The following CHCHD3 variants were observed in gnomAD, a reference collection of about 807,000 sequenced individuals.
CHCHD3 encodes coiled-coil-helix-coiled-coil-helix domain containing 3, also known as MICOS complex subunit MIC19.
Under a neutral mutation model 38.2 loss-of-function variants are expected in CHCHD3, and 20 were observed. The ratio of observed to expected loss-of-function variants is 0.52; its 90% CI spans 0.37 to 0.76. The LOEUF is 0.76. CHCHD3 is among the 30% of genes least tolerant of loss of function. The probability of loss-of-function intolerance (pLI) is 0.00; values close to 1 mark genes in which losing one functional copy is unlikely to be tolerated. For missense variants in CHCHD3, 245 were observed against 279.2 expected, an observed-to-expected ratio of 0.88 and a Z score of 0.87; for synonymous variants, 82 against 100.0, an observed-to-expected ratio of 0.82 and a Z score of 1.07.
chr7:132,895,381 C>T (rs138855073), intron 4 of CHCHD3, among the ~76,000 whole-genome samples: 194 of 152,336 alleles, frequency 1.3e-3, no homozygotes, highest in Non-Finnish European at 2.0e-3. Context: ...ATCCGTACAG[C>T]CCAGCAGCAC....
At chr7:133,041,904 T>C (rs1813845421) in intron 2 of CHCHD3, among the ~76,000 whole-genome samples, 1 of 152,230 alleles carries the variant, frequency 6.6e-6, no homozygotes, top group East Asian at 1.9e-4. Flanking sequence ...TTTGATACGC[T>C]AATAGTCCTA....
intron 2 of CHCHD3, 62 bp from the exon 3 acceptor site, chr7:133,024,689 A>C: frequency 8.0e-7 from 1 of 1,245,598 alleles, no homozygotes; most frequent in Non-Finnish European, 1.2e-6. Flanking sequence ...AAAAGCAAGA[A>C]AATACTCAGG....
intron 4 of CHCHD3, among the ~76,000 whole-genome samples, chr7:132,933,191 C>T (rs941742312): frequency 6.6e-6 from 1 of 152,174 alleles, no homozygotes. Flanking sequence ...GCAATTTGCA[C>T]TTATCAACTG....
At chr7:132,814,253 G>T (rs532038821) in intron 6 of CHCHD3, among the ~76,000 whole-genome samples, 1 of 152,228 alleles carries the variant, frequency 6.6e-6, no homozygotes, top group Admixed American at 6.5e-5. Context: ...ATTTTGTGAA[G>T]CCACGCTAGC....
chr7:133,057,759 T>C (rs982350150), intron 2 of CHCHD3, among the ~76,000 whole-genome samples: 9 of 152,004 alleles, frequency 5.9e-5, no homozygotes, highest in African/African-American at 1.9e-4. Flanking sequence ...AAAAAATAAT[T>C]AGAGGAAAAA....
At chr7:133,070,069 C>T (rs1243134082) in intron 2 of CHCHD3, 73 bp downstream of exon 2, 22 of 1,074,754 alleles carry the variant, frequency 2.0e-5, no homozygotes, top group Admixed American at 9.2e-5. Flanking sequence ...TGCTAGAGAA[C>T]TTGACTATTG....
chr7:132,918,796 G>A (rs1351676827), intron 4 of CHCHD3, among the ~76,000 whole-genome samples: 6 of 152,164 alleles, frequency 3.9e-5, no homozygotes, highest in Admixed American at 3.9e-4. Context: ...CATAGAAACA[G>A]CTACAGCTGA....
intron 2 of CHCHD3, among the ~76,000 whole-genome samples, chr7:133,062,872 G>A (rs1425892317): frequency 6.6e-6 from 1 of 152,096 alleles, no homozygotes; most frequent in African/African-American, 2.4e-5. Context: ...AACAAGGGCA[G>A]GGACCTCTGA....
chr7:133,061,175 G>C (rs1413755889), intron 2 of CHCHD3, among the ~76,000 whole-genome samples: 1 of 152,104 alleles, frequency 6.6e-6, no homozygotes, highest in Non-Finnish European at 1.5e-5. Context: ...GTTTCTAACA[G>C]AGGAATGGCA....
In CHCHD3 at chr7:132,885,727, T is replaced by C. The variant is rs773327023; in HGVS notation, c.388A>G (p.Lys130Glu). Residue 130 changes from lysine to glutamate, a missense_variant, in exon 5 of 8, where the codon AAA becomes GAA. Lys to Glu is a moderately conservative substitution (Grantham distance 56). Coordinates refer to ENST00000262570, the MANE Select transcript of CHCHD3 (RefSeq NM_017812.4). ...TCCTGCTTCTTTAGCACTCGGTCTT[T>C]CTCTTCCAGCTGCCTAGCCTAAAAA... ...AKHLARQLEE[K>E]DRVLKKQDAF... The C allele has an allele frequency of 1.9e-6, 3 of 1,609,276 alleles. No homozygotes were observed. Among genetic ancestry groups the C allele is most frequent in the Non-Finnish European group, 1.7e-6 (2 of 1,178,388 alleles).
chr7:132,931,192 T>A (rs1385275646), intron 4 of CHCHD3, among the ~76,000 whole-genome samples: 1 of 152,242 alleles, frequency 6.6e-6, no homozygotes, highest in Non-Finnish European at 1.5e-5. Flanking sequence ...TTACTGAACT[T>A]TTTGATTCGC....
intron 6 of CHCHD3, among the ~76,000 whole-genome samples, chr7:132,824,951 T>TA (rs1244339451): frequency 1.3e-5 from 2 of 152,256 alleles, no homozygotes; most frequent in Non-Finnish European, 2.9e-5. Flanking sequence ...TAACATGTTT[T>TA]GGTCACTTTT....
At position 133,013,206 on chromosome 7, in the gene CHCHD3, A is replaced by AG. The variant is rs35863843; in HGVS notation, c.251+11339_251+11340insC. On this transcript the variant is annotated intron_variant, in intron 3 of 7. Coordinates refer to ENST00000262570, the MANE Select transcript of CHCHD3 (RefSeq NM_017812.4). ...GCCTCAAAAAAAAAAAAAAAAAAAA[A>AG]CATTCAGACAGACATATAATAGGTA... Among the ~76,000 whole-genome samples the AG allele has an allele frequency of 8.4e-3, 913 of 108,644 alleles. 79 individuals are homozygous for AG. The highest frequency in any genetic ancestry group is 0.03 in the African/African-American group (840 of 28,382). 71.3% of individuals were successfully genotyped at this position (108,644 alleles called of 152,430 possible).
At chr7:133,080,471 C>T (rs1212046984) in intron 1 of CHCHD3, among the ~76,000 whole-genome samples, 1 of 152,140 alleles carries the variant, frequency 6.6e-6, no homozygotes, top group East Asian at 1.9e-4. Context: ...TTTTTTCTAA[C>T]CAATGTCTTC....
intron 2 of CHCHD3, among the ~76,000 whole-genome samples, chr7:133,030,415 G>A (rs556572237): frequency 2.0e-5 from 3 of 152,314 alleles, no homozygotes; most frequent in African/African-American, 4.8e-5. Context: ...TAAAAGGTCA[G>A]TGTTTCAGGA....
chr7:132,937,267 A>G (rs939532517), intron 4 of CHCHD3, among the ~76,000 whole-genome samples: 2 of 152,212 alleles, frequency 1.3e-5, no homozygotes, highest in African/African-American at 4.8e-5. Context: ...GGACATAGAA[A>G]GATTTGGATT....
intron 4 of CHCHD3, among the ~76,000 whole-genome samples, chr7:132,936,676 C>G (rs770901046): frequency 2.6e-5 from 4 of 152,200 alleles, no homozygotes; most frequent in Non-Finnish European, 5.9e-5. Context: ...CTCTGGAAAG[C>G]TGGACAGCAC....
intron 2 of CHCHD3, chr7:133,034,738 C>G (rs1489298934): frequency 1.2e-6 from 2 of 1,613,386 alleles, no homozygotes; most frequent in Admixed American, 3.3e-5. Flanking sequence ...GTGTATGACT[C>G]GTAGTCCACC....
intron 7 of CHCHD3, among the ~76,000 whole-genome samples, chr7:132,789,522 T>C (rs907526923): frequency 6.6e-6 from 1 of 152,158 alleles, no homozygotes; most frequent in African/African-American, 2.4e-5. Context: ...TATTAAAACC[T>C]TACTAACCAT....
Sources: allele counts gnomAD v4.1 joint callset (sites outside exome capture counted in the v4.1 genomes callset), GRCh38; gene constraint gnomAD v4.1.1; transcripts MANE v1.5; gene names NCBI Gene and HGNC (gene_info 2026-07-23, HGNC 2026-07-21).